BTBD9: variants seen among roughly 807,000 people sequenced by gnomAD.
The protein encoded by BTBD9 is BTB domain containing 9.
In BTBD9, 49 loss-of-function variants were observed where a neutral mutation model predicts 64.3. The ratio of observed to expected loss-of-function variants is 0.76; its 90% CI spans 0.61 to 0.97. The LOEUF (loss-of-function observed/expected upper bound fraction) is 0.97, where lower values mean the gene tolerates loss of function less well. Ranked by LOEUF, BTBD9 falls within the 50% of genes least tolerant of loss-of-function variation. The pLI is 0.00. For synonymous variants in BTBD9, 260 were observed against 274.7 expected (o/e 0.95, Z 0.53); for missense variants, 598 against 762.1 (o/e 0.78, Z 2.53).
At chr6:38,623,381 A>T (rs1036233294) in intron 1 of BTBD9, among the ~76,000 whole-genome samples, 3 of 152,326 alleles carry the variant, frequency 2.0e-5, no homozygotes, top group Admixed American at 6.5e-5. Flanking sequence ...CATAATAGCT[A>T]GTTTATCTAC....
intron 1 of BTBD9, among the ~76,000 whole-genome samples, chr6:38,626,744 A>G (rs988706943): frequency 1.3e-5 from 2 of 152,222 alleles, no homozygotes; most frequent in Non-Finnish European, 2.9e-5. Context: ...CTTTGCTGCA[A>G]TCAAGCCTAA....
In BTBD9 at chr6:38,503,877, A is replaced by C. The variant is rs555833634; in HGVS notation, c.1154+73723T>G. On this transcript the variant is annotated intron_variant, in intron 6 of 10. Transcript: ENST00000481247. ...CTCCTTCAGTTGGTCAAGAAAAATC[A>C]TAACTCTGCCAAAATCTAAATGCAA... is the stretch of plus-strand genomic sequence containing the variant. Among the ~76,000 whole-genome samples, 18 of 152,350 alleles carry C rather than the reference A, an allele frequency of 1.2e-4. No individual in the cohort carries two copies. The South Asian group carries it at 3.1e-3, about 26-fold the overall frequency.
chr6:38,618,952 G>A (rs531399989), intron 1 of BTBD9, among the ~76,000 whole-genome samples: 61 of 152,288 alleles, frequency 4.0e-4, no homozygotes, highest in African/African-American at 1.5e-3. Context: ...TCCCCACTGG[G>A]ACCTAGACTC....
At chr6:38,189,164 G>A (rs1406893738) in intron 10 of BTBD9, among the ~76,000 whole-genome samples, 1 of 152,142 alleles carries the variant, frequency 6.6e-6, no homozygotes, top group African/African-American at 2.4e-5. Flanking sequence ...GTGAATCAGG[G>A]TGGTGCTGCA....
chr6:38,333,480 A>T (rs1582246335), intron 7 of BTBD9, among the ~76,000 whole-genome samples: 1 of 152,130 alleles, frequency 6.6e-6, no homozygotes, highest in East Asian at 1.9e-4. Flanking sequence ...CGTAACTCCC[A>T]GTGTTGGAGG....
chr6:38,420,957 A>C (rs1767876234), intron 6 of BTBD9, among the ~76,000 whole-genome samples: 1 of 152,220 alleles, frequency 6.6e-6, no homozygotes, highest in Non-Finnish European at 1.5e-5. Context: ...ACTTATATGC[A>C]TTTTATAACT....
chr6:38,186,573 G>C (rs950846295), intron 10 of BTBD9, among the ~76,000 whole-genome samples: 35 of 152,158 alleles, frequency 2.3e-4, no homozygotes, highest in Admixed American at 1.8e-3. Flanking sequence ...AGAGATGGGT[G>C]TACAGATGAG....
intron 6 of BTBD9, among the ~76,000 whole-genome samples, chr6:38,390,147 C>T (rs568591768): frequency 1.3e-5 from 2 of 152,286 alleles, no homozygotes; most frequent in South Asian, 4.2e-4. Context: ...TTTCATTCTC[C>T]TCGGGATGTA....
chr6:38,316,560 A>G (rs914022826), intron 7 of BTBD9, among the ~76,000 whole-genome samples: 4 of 152,214 alleles, frequency 2.6e-5, no homozygotes, highest in African/African-American at 7.2e-5. Flanking sequence ...ACAAGAAAAA[A>G]GAAGACTAAT....
At chr6:38,634,357 T>G (rs1778460733) in intron 1 of BTBD9, among the ~76,000 whole-genome samples, 1 of 152,228 alleles carries the variant, frequency 6.6e-6, no homozygotes, top group South Asian at 2.1e-4. Flanking sequence ...GTCCTTAGAT[T>G]CAGATTCTCT....
At chr6:38,251,908 A>T (rs1404785220) in intron 9 of BTBD9, among the ~76,000 whole-genome samples, 1 of 151,242 alleles carries the variant, frequency 6.6e-6, no homozygotes, top group Non-Finnish European at 1.5e-5. Context: ...AAAAAAAAAA[A>T]GTGAGAGCTT....
chr6:38,435,842 T>G (rs1190251163), intron 6 of BTBD9, among the ~76,000 whole-genome samples: 1 of 151,224 alleles, frequency 6.6e-6, no homozygotes, highest in Non-Finnish European at 1.5e-5. Context: ...CTAATTTTTG[T>G]ATTTTTAGTA....
chr6:38,291,753 T>G (rs1049968708), intron 7 of BTBD9, among the ~76,000 whole-genome samples: 2 of 152,200 alleles, frequency 1.3e-5, no homozygotes, highest in Non-Finnish European at 2.9e-5. Flanking sequence ...GAGATAATCA[T>G]GTGTTTTTTG....
chr6:38,314,833 G>A (rs1180310497), intron 7 of BTBD9, among the ~76,000 whole-genome samples: 1 of 151,928 alleles, frequency 6.6e-6, no homozygotes, highest in Non-Finnish European at 1.5e-5. Context: ...TAATGTCTTC[G>A]TATTCATCTC....
At chr6:38,587,509 G>T (rs940423633) in intron 4 of BTBD9, 7 of 562,798 alleles carry the variant, frequency 1.2e-5, no homozygotes, top group Middle Eastern at 7.5e-4. Context: ...GTATAAAGAT[G>T]CAGATGACGA....
intron 6 of BTBD9, among the ~76,000 whole-genome samples, chr6:38,355,937 C>T (rs1437866394): frequency 1.3e-5 from 2 of 152,080 alleles, no homozygotes; most frequent in African/African-American, 2.4e-5. Context: ...AGTCCACCTT[C>T]GTATATGATT....
At chr6:38,482,135 T>C (rs1244346997) in intron 6 of BTBD9, 1 of 152,254 alleles carries the variant, frequency 6.6e-6, no homozygotes, top group East Asian at 1.9e-4. Flanking sequence ...TTGTTCTCAC[T>C]CGTTTGGGCA....
At chr6:38,554,737 G>C (rs1165926545) in intron 6 of BTBD9, among the ~76,000 whole-genome samples, 1 of 151,782 alleles carries the variant, frequency 6.6e-6, no homozygotes, top group Non-Finnish European at 1.5e-5. Context: ...CAGACTCTAA[G>C]ACTTAAAAAA....
chr6:38,527,076 A>G (rs946287129), intron 6 of BTBD9, among the ~76,000 whole-genome samples: 2 of 151,876 alleles, frequency 1.3e-5, no homozygotes, highest in Admixed American at 1.3e-4. Context: ...AGAGTTTCAG[A>G]CCAGCCTGGC....
Sources: allele counts gnomAD v4.1 joint callset (sites outside exome capture counted in the v4.1 genomes callset), GRCh38; gene constraint gnomAD v4.1.1; transcripts MANE v1.5; gene names NCBI Gene and HGNC (gene_info 2026-07-23, HGNC 2026-07-21).